ROBO2: variants seen among roughly 807,000 people sequenced by gnomAD.
ROBO2 encodes roundabout homolog 2.
In ROBO2, 53 loss-of-function variants were observed where a neutral mutation model predicts 160.8. The observed-to-expected ratio is 0.33, with a 90% CI of 0.26 to 0.41. The LOEUF (loss-of-function observed/expected upper bound fraction) is 0.41. Ranked by LOEUF, ROBO2 falls within the 10% of genes least tolerant of loss-of-function variation. ROBO2 has a pLI of 1.00. For missense variants in ROBO2, 1,577 were observed against 1,722.4 expected, an observed-to-expected ratio of 0.92 and a Z score of 1.49; for synonymous variants, 664 against 611.7, an observed-to-expected ratio of 1.09 and a Z score of -1.26.
intron 2 of ROBO2, among the ~76,000 whole-genome samples, chr3:77,124,198 C>A (rs1044696713): frequency 2.0e-5 from 3 of 152,032 alleles, no homozygotes; most frequent in Non-Finnish European, 2.9e-5. Context: ...ATCAGGGAGG[C>A]TTGAGCCGAA....
chr3:77,592,590 A>T (rs1449415029), intron 17 of ROBO2, among the ~76,000 whole-genome samples: 1 of 152,064 alleles, frequency 6.6e-6, no homozygotes, highest in East Asian at 1.9e-4. Flanking sequence ...CTCACTCTGT[A>T]GCCCAGACTG....
intron 2 of ROBO2, among the ~76,000 whole-genome samples, chr3:77,162,094 T>G (rs1256948819): frequency 1.3e-5 from 2 of 152,096 alleles, no homozygotes; most frequent in Admixed American, 6.6e-5. Flanking sequence ...ATATTTTAAC[T>G]TGGAACATTT....
At position 76,064,246 on chromosome 3, in the gene ROBO2, G is replaced by C. The variant is rs73842944; in HGVS notation, c.109+126644G>C. ...AAATAATGCTCGTGTGTTGTGTTACGCTTCTAATTTTGTTGTAATCTGTTA... is the reference window on the plus strand; with the variant it reads ...AAATAATGCTCGTGTGTTGTGTTACCCTTCTAATTTTGTTGTAATCTGTTA... On this transcript the variant is annotated intron_variant, in intron 2 of 26. Transcript: ENST00000487694. 1.6e-4 allele frequency among the ~76,000 whole-genome samples: 24 copies of C among 152,192 alleles called. 1 individual carries two copies. The Middle Eastern group carries it at 0.017, about 108-fold the overall frequency.
intron 2 of ROBO2, among the ~76,000 whole-genome samples, chr3:76,848,789 A>T (rs928648214): frequency 1.3e-5 from 2 of 152,174 alleles, no homozygotes; most frequent in African/African-American, 4.8e-5. Flanking sequence ...CATTTCCCAA[A>T]GATCGTACCT....
intron 2 of ROBO2, among the ~76,000 whole-genome samples, chr3:76,360,498 T>A (rs2075445293): frequency 6.6e-6 from 1 of 152,140 alleles, no homozygotes; most frequent in Non-Finnish European, 1.5e-5. Context: ...CAAAGATTCC[T>A]ATAACAAAGA....
intron 2 of ROBO2, among the ~76,000 whole-genome samples, chr3:77,470,770 T>A (rs1204560320): frequency 6.6e-6 from 1 of 152,172 alleles, no homozygotes; most frequent in Non-Finnish European, 1.5e-5. Flanking sequence ...GAAACTGTAT[T>A]CATAAACTAA....
At chr3:77,646,059 A>G in exon 26 of ROBO2, 2 of 1,593,926 alleles carry the variant, frequency 1.3e-6, no homozygotes, top group South Asian at 1.1e-5. Flanking sequence ...TTTAGAGTAA[A>G]TGAGAGGAGA....
At chr3:77,050,663 T>A (rs1348881480) in intron 1 of ROBO2, among the ~76,000 whole-genome samples, 3 of 151,762 alleles carry the variant, frequency 2.0e-5, no homozygotes, top group Non-Finnish European at 2.9e-5. Flanking sequence ...AAACATTTTT[T>A]TTTTTTTGCA....
intron 23 of ROBO2, chr3:77,633,903 A>G (rs2095217297): frequency 6.6e-6 from 1 of 152,242 alleles, no homozygotes; most frequent in African/African-American, 2.4e-5. Context: ...TAGAAGGCAC[A>G]AGTGCATTTC....
intron 2 of ROBO2, among the ~76,000 whole-genome samples, chr3:76,992,573 G>A (rs1375206692): frequency 6.6e-6 from 1 of 151,342 alleles, no homozygotes; most frequent in Non-Finnish European, 1.5e-5. Context: ...CATGCACTTG[G>A]ACCAATTTTT....
intron 2 of ROBO2, among the ~76,000 whole-genome samples, chr3:77,392,596 C>CT (rs1415371416): frequency 6.6e-6 from 1 of 152,104 alleles, no homozygotes; most frequent in East Asian, 1.9e-4. Flanking sequence ...GTGTTCTACA[C>CT]TTTTTTAATC....
chr3:76,315,449 C>A (rs140439865), intron 2 of ROBO2, among the ~76,000 whole-genome samples: 1 of 152,216 alleles, frequency 6.6e-6, no homozygotes, highest in South Asian at 2.1e-4. Context: ...GCACATACTA[C>A]GGTATTGCAA....
intron 24 of ROBO2, among the ~76,000 whole-genome samples, chr3:77,641,250 T>C (rs999789455): frequency 1.3e-5 from 2 of 152,180 alleles, no homozygotes; most frequent in African/African-American, 2.4e-5. Flanking sequence ...CCTTCAGTTA[T>C]TAGCAATTCA....
At chr3:77,105,407 T>G (rs1349673330) in intron 2 of ROBO2, among the ~76,000 whole-genome samples, 1 of 152,164 alleles carries the variant, frequency 6.6e-6, no homozygotes, top group African/African-American at 2.4e-5. Flanking sequence ...ATATTTTTGG[T>G]GGTGATGGTG....
At chr3:76,114,203 A>G (rs1379139350) in intron 2 of ROBO2, among the ~76,000 whole-genome samples, 5 of 152,178 alleles carry the variant, frequency 3.3e-5, no homozygotes. Context: ...TTGAGTTTCC[A>G]ACACATGAAC....
At chr3:76,907,042 T>C (rs1237768081) in intron 2 of ROBO2, among the ~76,000 whole-genome samples, 14 of 152,140 alleles carry the variant, frequency 9.2e-5, no homozygotes, top group Non-Finnish European at 1.5e-4. Flanking sequence ...TTTATTTGTT[T>C]GTTTGTCTGT....
chr3:76,738,305 T>C (rs1316839329), intron 2 of ROBO2, among the ~76,000 whole-genome samples: 3 of 152,120 alleles, frequency 2.0e-5, no homozygotes, highest in Non-Finnish European at 4.4e-5. Context: ...AGACAATAAA[T>C]AGGTATTTAA....
At position 77,067,891 on chromosome 3, in the gene ROBO2, CT is replaced by C. The variant is rs1316262025; in HGVS notation, c.61+27051del. On this transcript the variant is annotated intron_variant, in intron 1 of 25. Transcript: ENST00000461745. ...GCTGAGGATGTTTCAGAACTTTTTT[CT>C]TTTTTATTTTATTGATGAGTACTTT... Among the ~76,000 whole-genome samples the C allele has an allele frequency of 3.3e-5, 5 of 152,022 alleles. No homozygotes were observed. In the East Asian group the frequency reaches 7.7e-4, roughly 23 times the overall value.
intron 5 of ROBO2, among the ~76,000 whole-genome samples, chr3:77,505,883 C>G (rs995669832): frequency 3.3e-5 from 5 of 152,110 alleles, no homozygotes; most frequent in Non-Finnish European, 7.4e-5. Flanking sequence ...TAATTTATTT[C>G]TAGTAAAACA....
Sources: gnomAD v4.1 joint callset for allele counts (sites outside exome capture counted in the v4.1 genomes callset) on GRCh38, gnomAD v4.1.1 for gene constraint, MANE v1.5 for transcripts, NCBI Gene and HGNC (gene_info 2026-07-23, HGNC 2026-07-21) for gene names.